IL17REL: variants seen among roughly 807,000 people sequenced by gnomAD.
The protein encoded by IL17REL is interleukin-17 receptor E-like protein.
IL17REL carries 36 observed loss-of-function variants against 49.0 expected under a neutral mutation model. That is an observed-to-expected ratio of 0.73 (90% CI 0.56 to 0.97). The LOEUF (loss-of-function observed/expected upper bound fraction) is 0.97, where lower values mean the gene tolerates loss of function less well. Among genes scored for constraint, IL17REL ranks in the 50% least tolerant of loss-of-function variants. IL17REL has a pLI of 0.00. For missense variants in IL17REL, 470 were observed against 453.9 expected (o/e 1.04, Z -0.32); for synonymous variants, 206 against 192.4 (o/e 1.07, Z -0.58).
At chr22:50,000,954 C>G in intron 2 of IL17REL, 91 bp from the exon 4 acceptor site, 2 of 1,292,294 alleles carry the variant, frequency 1.5e-6, no homozygotes, top group Admixed American at 2.3e-5. Context: ...TCTGCCTTCT[C>G]TCTGTGAAGT....
At chr22:49,999,212 C>A (rs533412083) in intron 7 of IL17REL, 79 bp downstream of exon 9, 11 of 1,526,462 alleles carry the variant, frequency 7.2e-6, no homozygotes, top group South Asian at 4.5e-5. Flanking sequence ...CTCATCCCCC[C>A]ACGTCAGTCC....
chr22:50,003,761 A>G (rs1308477910), intron 1 of IL17REL, among the ~76,000 whole-genome samples: 4 of 152,184 alleles, frequency 2.6e-5, no homozygotes, highest in Admixed American at 6.5e-5. Flanking sequence ...TATATGTAAC[A>G]TAACATTTCT....
intron 9 of IL17REL, 103 bp downstream of exon 11, chr22:49,997,922 G>T: frequency 6.7e-7 from 1 of 1,493,394 alleles, no homozygotes; most frequent in East Asian, 2.3e-5. Flanking sequence ...CGCCTGGGAG[G>T]CTAGGCTCCA....
chr22:49,999,570 C>T, intron 5 of IL17REL, 68 bp from the exon 8 acceptor site: 7 of 1,207,762 alleles, frequency 5.8e-6, no homozygotes, highest in Non-Finnish European at 1.2e-6. Context: ...TGGGCGGGAC[C>T]TGCACCGAAC....
downstream of IL17REL, among the ~76,000 whole-genome samples, chr22:49,993,842 C>T (rs1370518993): frequency 6.6e-6 from 1 of 152,148 alleles, no homozygotes; most frequent in Non-Finnish European, 1.5e-5. This position sits in a 1 kb window ranked among gnomAD's most constrained non-coding sequence, Gnocchi z 6.0. Flanking sequence ...TTGTGCACCA[C>T]AGGGAGCACC....
upstream of IL17REL, among the ~76,000 whole-genome samples, chr22:50,012,145 C>T (rs544926084): frequency 3.5e-4 from 53 of 152,332 alleles, 1 homozygote; most frequent in African/African-American, 1.3e-3. Flanking sequence ...GCCAACATCT[C>T]ATTCTCAGCA....
At chr22:50,000,649 G>A (rs2061072730) in intron 3 of IL17REL, 57 bp from the exon 5 acceptor site, 2 of 1,556,692 alleles carry the variant, frequency 1.3e-6, no homozygotes, top group African/African-American at 1.4e-5. Context: ...ACCCCACCCG[G>A]CCAGCTCCAC....
chr22:49,998,746 C>T (rs188767611), intron 7 of IL17REL, among the ~76,000 whole-genome samples: 51 of 140,432 alleles, frequency 3.6e-4, no homozygotes, highest in African/African-American at 1.3e-3. Context: ...TGTGTATGTG[C>T]ATGGGTGCGT....
exon 2 of IL17REL, chr22:50,001,166 G>T (rs780804021): frequency 1.2e-6 from 2 of 1,604,736 alleles, no homozygotes; most frequent in Admixed American, 1.7e-5. Flanking sequence ...GAGGACGTCA[G>T]GGCCTCCAGG....
exon 6 of IL17REL, chr22:49,999,495 G>C (rs1166803144): frequency 6.2e-7 from 1 of 1,606,056 alleles, no homozygotes; most frequent in Non-Finnish European, 8.5e-7. Context: ...GACGCTGTTG[G>C]CGGTCACCTG....
chr22:49,995,721 G>A (rs1453457183), exon 13 of IL17REL: 1 of 152,542 alleles, frequency 6.6e-6, no homozygotes, highest in Non-Finnish European at 1.5e-5. Context: ...CCAGTCCTGG[G>A]GTGCCAGTGG....
At chr22:49,997,381 C>T in exon 11 of IL17REL, 1 of 1,613,866 alleles carries the variant, frequency 6.2e-7, no homozygotes. Flanking sequence ...CTGTGACTTC[C>T]TCCTGTGACA....
intron 2 of IL17REL, 101 bp downstream of exon 3, chr22:50,000,981 C>A: frequency 7.9e-7 from 1 of 1,260,932 alleles, no homozygotes; most frequent in Non-Finnish European, 1.1e-6. Context: ...AGCAGCCCCC[C>A]TCCCTCACCA....
In IL17REL at chr22:49,998,323, C is replaced by T; in HGVS notation, c.602-14G>A. ...GTGCCTCAGTGTCTGCAGGAACCCT[C>T]CCCGAAACACAGGTCAGTTGGGCCC... On this transcript the variant is annotated splice_polypyrimidine_tract_variant and intron_variant, in intron 7 of 12. Coordinates refer to ENST00000341280, the Ensembl canonical transcript of IL17REL. The T allele has an allele frequency of 6.3e-7, 1 of 1,586,276 alleles. No homozygotes were observed. Among genetic ancestry groups the T allele is most frequent in the South Asian group, 1.1e-5 (1 of 86,972 alleles).
exon 13 of IL17REL, chr22:49,996,849 G>A (rs1183403053): frequency 1.2e-5 from 7 of 571,716 alleles, no homozygotes; most frequent in East Asian, 3.1e-5. Flanking sequence ...AGTGTACATC[G>A]GTCCTCCAGC....
At chr22:50,000,488 G>T in exon 4 of IL17REL, 1 of 1,612,712 alleles carries the variant, frequency 6.2e-7, no homozygotes, top group East Asian at 2.2e-5. Context: ...CTTCCACGAG[G>T]TGCCTCTGGT....
At chr22:49,993,396 G>A (rs1041245260), downstream of IL17REL, among the ~76,000 whole-genome samples, 11 of 152,194 alleles carry the variant, frequency 7.2e-5, no homozygotes, top group Non-Finnish European at 1.2e-4. This position sits in a 1 kb window ranked among gnomAD's most constrained non-coding sequence, Gnocchi z 6.0. Context: ...TTTTCTCCTG[G>A]CAGGTGTGGG....
rs2061044992 is a variant in IL17REL at position 49,997,619 on chromosome 22, G to A, written c.877+66C>T. 2.0e-6 allele frequency: 3 copies of A among 1,528,042 alleles called. 1 individual carries two copies. The highest frequency in any genetic ancestry group is 2.3e-5 in the East Asian group (1 of 44,442). The allele number at this position is 1,528,042 out of a possible 1,614,324, so 94.7% of individuals were successfully genotyped here. ...CACCGTTATTCCACCTCCCTGACCA[G>A]CACAGAGTGATATAAAGGATGTTCT... On this transcript the variant is annotated intron_variant, in intron 10 of 12. Transcript: ENST00000341280.
chr22:49,998,857 G>A (rs555887611), intron 7 of IL17REL, among the ~76,000 whole-genome samples: 1 of 152,180 alleles, frequency 6.6e-6, no homozygotes, highest in Non-Finnish European at 1.5e-5. Context: ...GCATGTGTAT[G>A]GGCGTGTATG....
Sources: allele counts gnomAD v4.1 joint callset (sites outside exome capture counted in the v4.1 genomes callset), GRCh38; gene constraint gnomAD v4.1.1; non-coding constraint Gnocchi (gnomAD v3.1); transcripts MANE v1.5; gene names NCBI Gene and HGNC (gene_info 2026-07-23, HGNC 2026-07-21).